Variants in CARMIL1 observed in about 807,000 individuals in gnomAD.
CARMIL1 encodes the protein capping protein regulator and myosin 1 linker 1, also known as F-actin-uncapping protein LRRC16A.
In CARMIL1, 90 loss-of-function variants were observed where a neutral mutation model predicts 177.1. That is an observed-to-expected ratio of 0.51 (90% CI 0.43 to 0.61). CARMIL1 has a LOEUF of 0.61. Among genes scored for constraint, CARMIL1 ranks in the 20% least tolerant of loss-of-function variants. CARMIL1 has a pLI of 0.00. For synonymous variants in CARMIL1, 577 were observed against 606.2 expected (o/e 0.95, Z 0.71); for missense variants, 1,380 against 1,667.0 (o/e 0.83, Z 3.00).
At chr6:25,514,917 G>A (rs1054501649) in intron 20 of CARMIL1, among the ~76,000 whole-genome samples, 14 of 145,312 alleles carry the variant, frequency 9.6e-5, no homozygotes, top group African/African-American at 2.9e-4. Flanking sequence ...TGCACAGAGC[G>A]AGACCCTGTC....
intron 2 of CARMIL1, among the ~76,000 whole-genome samples, chr6:25,357,737 T>A (rs552315832): frequency 5.7e-4 from 87 of 152,246 alleles, no homozygotes; most frequent in Non-Finnish European, 9.4e-4. Context: ...GTTCTGTGGT[T>A]AATGAAATAA....
At chr6:25,586,546 A>G (rs1813722777) in intron 31 of CARMIL1, among the ~76,000 whole-genome samples, 3 of 151,778 alleles carry the variant, frequency 2.0e-5, no homozygotes, top group Non-Finnish European at 4.4e-5. Context: ...CACTTCCCAG[A>G]CGGGGTGGCG....
chr6:25,369,681 C>T (rs1178790421), intron 2 of CARMIL1, among the ~76,000 whole-genome samples: 1 of 152,154 alleles, frequency 6.6e-6, no homozygotes, highest in Non-Finnish European at 1.5e-5. Context: ...CTCTCGTAGG[C>T]TAGGAACCAA....
In CARMIL1 at chr6:25,284,893, T is replaced by C. The variant is rs767571103; in HGVS notation, c.122T>C (p.Val41Ala). 7.0e-6 allele frequency: 11 copies of C among 1,562,616 alleles called. No individual in the cohort carries two copies. In the Admixed American group the frequency reaches 2.1e-4, roughly 29 times the overall value. Residue 41 changes from valine to alanine, a missense_variant, in exon 2 of 37, where the codon GTT becomes GCT. Physicochemically the swap from Val to Ala is moderately conservative, Grantham distance 64. Transcript: ENST00000329474. The part of the protein sequence containing the change: ...KVKLEVKGDK[V>A]ENKVLVLTSC... ...AAGTTGGAAGTTAAGGGAGACAAAG[T>C]TGAAAACAAAGTGCTGGTAAGTATT...
intron 24 of CARMIL1, among the ~76,000 whole-genome samples, chr6:25,529,172 C>A (rs1408608235): frequency 6.6e-6 from 1 of 152,042 alleles, no homozygotes; most frequent in African/African-American, 2.4e-5. Context: ...ATAATAAAAT[C>A]TGAAAGTGAT....
At chr6:25,521,855 G>GATCTGA (rs1295937437) in intron 23 of CARMIL1, among the ~76,000 whole-genome samples, 1 of 152,024 alleles carries the variant, frequency 6.6e-6, no homozygotes, top group Non-Finnish European at 1.5e-5. Context: ...CAGTAAAAGG[G>GATCTGA]ATCTGATAGC....
At chr6:25,490,120 G>A (rs1438430789) in intron 13 of CARMIL1, among the ~76,000 whole-genome samples, 1 of 152,134 alleles carries the variant, frequency 6.6e-6, no homozygotes, top group African/African-American at 2.4e-5. Flanking sequence ...GGCGGGGAAG[G>A]CAAAAGTTCC....
At chr6:25,517,653 G>C (rs997976815) in intron 22 of CARMIL1, among the ~76,000 whole-genome samples, 1 of 152,154 alleles carries the variant, frequency 6.6e-6, no homozygotes, top group Non-Finnish European at 1.5e-5. Context: ...ACACCACACT[G>C]TCGTGAGAAT....
Position 25,619,874 on chromosome 6 carries a change from A to G in CARMIL1, c.*291A>G, listed in dbSNP as rs748057214. 9.9e-5 allele frequency: 19 copies of G among 191,086 alleles called. No individual in the cohort carries two copies. The highest frequency in any genetic ancestry group is 1.2e-4 in the Non-Finnish European group (11 of 94,652). 11.8% of individuals were successfully genotyped at this position (191,086 alleles called of 1,614,324 possible). ...TCATATGCCTTTAATGAAAGCCAGC[A>G]ATTATCCCATGGGCCCTACTTGAAT... On this transcript the variant is annotated 3_prime_UTR_variant, in exon 37 of 37. Transcript: ENST00000329474.
At chr6:25,290,407 AG>A (rs1393682282) in intron 2 of CARMIL1, among the ~76,000 whole-genome samples, 1 of 146,480 alleles carries the variant, frequency 6.8e-6, no homozygotes, top group African/African-American at 2.6e-5. Flanking sequence ...ACTAAGTTGA[AG>A]GAAAAACAAT....
intron 22 of CARMIL1, among the ~76,000 whole-genome samples, chr6:25,517,715 C>T (rs1423029441): frequency 1.3e-5 from 2 of 152,024 alleles, no homozygotes; most frequent in African/African-American, 4.8e-5. Context: ...GTTTCCTTTC[C>T]CCTTTGTGGA....
Position 25,492,061 on chromosome 6 carries a change from G to A in CARMIL1, c.1220+37G>A, listed in dbSNP as rs746363845. 6 of 1,570,050 alleles carry A rather than the reference G, an allele frequency of 3.8e-6. No homozygotes were observed. The South Asian group carries it at 4.5e-5, about 12-fold the overall frequency. The stretch of plus-strand genomic sequence containing the variant: ...TTTCTGCTCTCATTGTCATCTGGAA[G>A]TGTCTTCTTCTGAGAAAAGTTGTAG... On this transcript the variant is annotated intron_variant, in intron 15 of 36. Coordinates refer to ENST00000329474, the MANE Select transcript of CARMIL1 (RefSeq NM_017640.6).
Position 25,510,706 on chromosome 6 carries a change from A to G in CARMIL1, c.1578-2A>G, listed in dbSNP as rs1431458856. The G allele has an allele frequency of 6.5e-7, 1 of 1,547,076 alleles. No homozygotes were observed. Reference sequence around the variant, plus strand: ...CTGTCCACATCTCTAAAATCTCTTTAGAAATCTGACACCTGTATTGGACAA... The same window carrying G: ...CTGTCCACATCTCTAAAATCTCTTTGGAAATCTGACACCTGTATTGGACAA... On this transcript the variant is annotated splice_acceptor_variant, in intron 19 of 36. Coordinates refer to ENST00000329474, the MANE Select transcript of CARMIL1 (RefSeq NM_017640.6). LOFTEE classifies it high-confidence loss of function.
chr6:25,586,381 C>T (rs1264249722), intron 31 of CARMIL1, among the ~76,000 whole-genome samples: 2 of 149,340 alleles, frequency 1.3e-5, no homozygotes, highest in Non-Finnish European at 3.0e-5. Flanking sequence ...AGGCACTCCC[C>T]ACATCTCAGA....
chr6:25,451,986 G>GCCCCCTCCCCC, intron 8 of CARMIL1: 1 of 112,672 alleles, frequency 8.9e-6, no homozygotes, highest in Non-Finnish European at 1.7e-5. Flanking sequence ...CTAGCATCTT[G>GCCCCCTCCCCC]CCCCCCCCTC....
chr6:25,606,302 T>C (rs774176342), intron 35 of CARMIL1, 29 bp downstream of exon 35: 9 of 1,601,298 alleles, frequency 5.6e-6, no homozygotes, highest in East Asian at 2.2e-5. Context: ...GGGAGTTGCA[T>C]TGTGACCAGG....
intron 29 of CARMIL1, among the ~76,000 whole-genome samples, chr6:25,569,333 G>T (rs917325657): frequency 2.0e-5 from 3 of 152,202 alleles, no homozygotes; most frequent in African/African-American, 7.2e-5. Flanking sequence ...GAGTTTTGGT[G>T]ATAAGCCGTC....
chr6:25,444,406 G>A (rs770965591), intron 5 of CARMIL1, among the ~76,000 whole-genome samples: 12 of 151,272 alleles, frequency 7.9e-5, no homozygotes, highest in Non-Finnish European at 1.3e-4. Context: ...TTAAGTTCTA[G>A]GGTACATGTG....
At chr6:25,561,766 T>C (rs1811142881) in intron 29 of CARMIL1, among the ~76,000 whole-genome samples, 1 of 152,212 alleles carries the variant, frequency 6.6e-6, no homozygotes, top group Admixed American at 6.5e-5. Flanking sequence ...ATATGTCTCA[T>C]CTAAAATGGT....
Sources: gnomAD v4.1 joint callset for allele counts (sites outside exome capture counted in the v4.1 genomes callset) on GRCh38, gnomAD v4.1.1 for gene constraint, MANE v1.5 for transcripts, NCBI Gene and HGNC (gene_info 2026-07-23, HGNC 2026-07-21) for gene names.